DTNA: variants seen among roughly 807,000 people sequenced by gnomAD.
DTNA encodes the protein dystrophin-related protein 3.
Under a neutral mutation model 100.7 loss-of-function variants are expected in DTNA, and 43 were observed. The observed-to-expected ratio is 0.43, with a 90% CI of 0.33 to 0.55. The LOEUF (loss-of-function observed/expected upper bound fraction) is 0.55. Ranked by LOEUF, DTNA falls within the 20% of genes least tolerant of loss-of-function variation. DTNA has a pLI of 0.04. For missense variants in DTNA, 798 were observed against 953.9 expected, an observed-to-expected ratio of 0.84 and a Z score of 2.15; for synonymous variants, 349 against 347.9, an observed-to-expected ratio of 1.00 and a Z score of -0.04.
At chr18:34,856,444 G>A (rs1233090755) in intron 15 of DTNA, among the ~76,000 whole-genome samples, 2 of 152,186 alleles carry the variant, frequency 1.3e-5, no homozygotes, top group African/African-American at 4.8e-5. Flanking sequence ...AGAAGGTAAT[G>A]GTTCCTTATA....
At chr18:34,562,615 A>G (rs113651288) in intron 1 of DTNA, among the ~76,000 whole-genome samples, 7 of 152,314 alleles carry the variant, frequency 4.6e-5, no homozygotes, top group African/African-American at 9.6e-5. Flanking sequence ...TGCAAGTAAT[A>G]GGGACTCTTA....
chr18:34,550,782 T>G (rs1285730055), intron 1 of DTNA, among the ~76,000 whole-genome samples: 2 of 152,170 alleles, frequency 1.3e-5, no homozygotes, highest in African/African-American at 4.8e-5. Context: ...GAACTCCAAA[T>G]AGTCTGGATG....
intron 1 of DTNA, among the ~76,000 whole-genome samples, chr18:34,719,442 A>G (rs138681660): frequency 2.6e-5 from 4 of 152,174 alleles, no homozygotes; most frequent in African/African-American, 7.2e-5. Flanking sequence ...TATTTTACAG[A>G]TGAAGAAATT....
At chr18:34,552,181 A>G (rs186241739) in intron 1 of DTNA, among the ~76,000 whole-genome samples, 24 of 152,054 alleles carry the variant, frequency 1.6e-4, no homozygotes, top group African/African-American at 5.3e-4. Flanking sequence ...GTTACTTTTC[A>G]TAGTCTATAT....
intron 17 of DTNA, among the ~76,000 whole-genome samples, chr18:34,874,085 C>A (rs1469310636): frequency 4.6e-5 from 7 of 152,158 alleles, no homozygotes; most frequent in Non-Finnish European, 1.0e-4. Flanking sequence ...GCCTGGAGAG[C>A]TAACAGCATG....
intron 1 of DTNA, among the ~76,000 whole-genome samples, chr18:34,522,328 T>G (rs1360263887): frequency 6.6e-6 from 1 of 152,176 alleles, no homozygotes; most frequent in Admixed American, 6.5e-5. Context: ...CATGCTATAT[T>G]GGGTCAACAG....
chr18:34,731,342 G>C (rs1159376023), intron 1 of DTNA, among the ~76,000 whole-genome samples: 1 of 152,036 alleles, frequency 6.6e-6, no homozygotes, highest in African/African-American at 2.4e-5. Flanking sequence ...AGCCGGGCGC[G>C]GTGGCGGGCG....
intron 1 of DTNA, among the ~76,000 whole-genome samples, chr18:34,625,563 G>A (rs1023550044): frequency 6.6e-5 from 10 of 152,080 alleles, no homozygotes; most frequent in Non-Finnish European, 8.8e-5. Context: ...CTTTCCTTTG[G>A]GAAACTTATC....
chr18:34,744,054 T>A (rs1420713200), intron 1 of DTNA, among the ~76,000 whole-genome samples: 1 of 152,126 alleles, frequency 6.6e-6, no homozygotes, highest in Non-Finnish European at 1.5e-5. Flanking sequence ...TGCCACCTCT[T>A]CACTGTGTTT....
At chr18:34,730,749 C>T (rs751028883) in intron 1 of DTNA, among the ~76,000 whole-genome samples, 8 of 152,168 alleles carry the variant, frequency 5.3e-5, no homozygotes, top group Non-Finnish European at 1.0e-4. Context: ...ATTCCTCTCA[C>T]CCTAATATCT....
At chr18:34,705,692 A>G (rs1424951454), upstream of DTNA, among the ~76,000 whole-genome samples, 1 of 152,204 alleles carries the variant, frequency 6.6e-6, no homozygotes, top group African/African-American at 2.4e-5. Context: ...ATCTCCCTCC[A>G]CTTCCAGGAA....
At chr18:34,881,829 A>G (rs2096876446) in intron 20 of DTNA, among the ~76,000 whole-genome samples, 1 of 150,412 alleles carries the variant, frequency 6.6e-6, no homozygotes, top group Non-Finnish European at 1.5e-5. Context: ...GAAAAGATAA[A>G]TGACCAATGA....
intron 1 of DTNA, among the ~76,000 whole-genome samples, chr18:34,551,819 G>C (rs2045453565): frequency 6.6e-6 from 1 of 152,022 alleles, no homozygotes; most frequent in Admixed American, 6.6e-5. Context: ...ACTTTCTCTT[G>C]CTCTTAATAT....
At chr18:34,624,747 T>A (rs779326455) in intron 1 of DTNA, among the ~76,000 whole-genome samples, 1 of 152,194 alleles carries the variant, frequency 6.6e-6, no homozygotes, top group African/African-American at 2.4e-5. Context: ...CATCCAGAGC[T>A]CACAATACAC....
At chr18:34,500,294 T>G (rs1211224725) in intron 1 of DTNA, among the ~76,000 whole-genome samples, 1 of 151,852 alleles carries the variant, frequency 6.6e-6, no homozygotes, top group Non-Finnish European at 1.5e-5. Context: ...ATGAATAATT[T>G]TTAAGCAATT....
Position 34,815,945 on chromosome 18 carries a change from A to G in DTNA, c.640A>G (p.Met214Val). Residue 214 changes from methionine to valine, a missense_variant, in exon 7 of 23, where the codon ATG (methionine) becomes GTG (valine). Physicochemically the swap from Met to Val is conservative, Grantham distance 21. This residue lies in a region of DTNA where 81 missense variants were observed against 153.5 expected (regional missense o/e 0.53). Coordinates refer to ENST00000444659, the MANE Select transcript of DTNA (RefSeq NM_001386795.1). ...GTTAAATGGTTTCTTGGACACGCTTATGTCAGATCCTCCCCCGCAGTGTCT... is the reference window on the plus strand; with the variant it reads ...GTTAAATGGTTTCTTGGACACGCTTGTGTCAGATCCTCCCCCGCAGTGTCT... ...VTLNGFLDTLMSDPPPQCLVW... is the reference protein window; with the variant it reads ...VTLNGFLDTLVSDPPPQCLVW... 1 of 1,613,826 alleles carries G rather than the reference A, an allele frequency of 6.2e-7. No homozygotes were observed. The highest frequency in any genetic ancestry group is 8.5e-7 in the Non-Finnish European group (1 of 1,179,772).
At chr18:34,552,432 G>A (rs1291263465) in intron 1 of DTNA, among the ~76,000 whole-genome samples, 1 of 151,162 alleles carries the variant, frequency 6.6e-6, no homozygotes, top group Non-Finnish European at 1.5e-5. Context: ...CAATGTGCAG[G>A]TTAGTTACAT....
At chr18:34,843,341 A>G (rs777943972) in intron 13 of DTNA, among the ~76,000 whole-genome samples, 1 of 152,136 alleles carries the variant, frequency 6.6e-6, no homozygotes, top group Non-Finnish European at 1.5e-5. Flanking sequence ...TTAAAGTGAT[A>G]ATTGGGCAAG....
At chr18:34,585,702 A>C (rs12969557) in intron 1 of DTNA, among the ~76,000 whole-genome samples, 15,636 of 152,096 alleles carry the variant, frequency 0.1, 1,166 homozygotes, top group African/African-American at 0.21. Context: ...AGGAGGCCAA[A>C]AGGTAATATC....
Sources: allele counts gnomAD v4.1 joint callset (sites outside exome capture counted in the v4.1 genomes callset), GRCh38; gene constraint gnomAD v4.1.1; regional missense constraint gnomAD v4.1.1; transcripts MANE v1.5; gene names NCBI Gene and HGNC (gene_info 2026-07-23, HGNC 2026-07-21).